LAMB4: variants seen among roughly 807,000 people sequenced by gnomAD.
LAMB4 encodes laminin subunit beta-4.
A neutral mutation model predicts 199.2 loss-of-function variants in LAMB4; 196 were observed. The observed-to-expected ratio is 0.98, with a 90% CI of 0.88 to 1.11. The LOEUF is 1.11. LAMB4 is among the 50% of genes least tolerant of loss of function. LAMB4 has a pLI of 0.00. For missense variants in LAMB4, 2,080 were observed against 2,171.2 expected (o/e 0.96, Z 0.83); for synonymous variants, 744 against 770.6 (o/e 0.97, Z 0.57).
chr7:108,093,895 G>C (rs1027831024), intron 12 of LAMB4, among the ~76,000 whole-genome samples: 2 of 152,170 alleles, frequency 1.3e-5, no homozygotes, highest in Non-Finnish European at 2.9e-5. Context: ...CAAAGGACTT[G>C]ATGTTTTTCC....
intron 8 of LAMB4, 125 bp downstream of exon 8, chr7:108,105,692 C>T (rs2037978484): frequency 1.3e-6 from 1 of 789,084 alleles, no homozygotes; most frequent in Non-Finnish European, 2.1e-6. Flanking sequence ...GAATGGTACC[C>T]ATCTCAGCAT....
At chr7:108,026,127 C>A (rs2034827317) in intron 33 of LAMB4, among the ~76,000 whole-genome samples, 1 of 152,142 alleles carries the variant, frequency 6.6e-6, no homozygotes, top group African/African-American at 2.4e-5. Flanking sequence ...CTGGCCCCTT[C>A]AGGTGTAGAG....
chr7:108,032,338 C>G (rs542392542), intron 31 of LAMB4, among the ~76,000 whole-genome samples: 7 of 151,620 alleles, frequency 4.6e-5, no homozygotes, highest in Non-Finnish European at 1.0e-4. Flanking sequence ...TGCAGTGAGC[C>G]GAGATTGTGC....
chr7:108,110,306 G>A (rs372054958), intron 4 of LAMB4, among the ~76,000 whole-genome samples: 5 of 152,192 alleles, frequency 3.3e-5, no homozygotes, highest in African/African-American at 1.2e-4. Flanking sequence ...TGGGATTACA[G>A]GTGTGAGCCA....
At chr7:108,037,772 C>T (rs2035281676) in intron 29 of LAMB4, among the ~76,000 whole-genome samples, 177 bp from the exon 30 acceptor site, 1 of 152,200 alleles carries the variant, frequency 6.6e-6, no homozygotes, top group Admixed American at 6.5e-5. Context: ...GCTGTCCCTT[C>T]TCTCTGGAAG....
At chr7:108,052,539 CTCTG>C (rs1378507607) in intron 25 of LAMB4, among the ~76,000 whole-genome samples, 4 of 152,114 alleles carry the variant, frequency 2.6e-5, no homozygotes, top group African/African-American at 7.2e-5. Flanking sequence ...ACTGTTTATG[CTCTG>C]TCTTTCTTCG....
At chr7:108,060,554 A>C (rs1007521061) in intron 23 of LAMB4, among the ~76,000 whole-genome samples, 1 of 152,244 alleles carries the variant, frequency 6.6e-6, no homozygotes, top group African/African-American at 2.4e-5. Flanking sequence ...CAGAGAATAC[A>C]TAAGATGAGC....
At position 108,062,943 on chromosome 7, in the gene LAMB4, C is replaced by A; in HGVS notation, c.3113G>T (p.Gly1038Val). 2 of 1,606,780 alleles carry A rather than the reference C, an allele frequency of 1.2e-6. No homozygotes were observed. The highest frequency in any genetic ancestry group is 1.1e-5 in the South Asian group (1 of 89,640). ...GACAGGGTCACAGAGGCAAGCTCCC[C>A]CACCAGGGGGACACTCCATGGGACT... ...GVSPMECPPG[G>V]GACLCDPVTG... The change falls in exon 23 of 34, where the codon GGG becomes GTG. Residue 1038 changes from glycine to valine, a missense_variant. Physicochemically the swap from Gly to Val is moderately radical, Grantham distance 109 (BLOSUM62 -3). Coordinates refer to ENST00000388781, the MANE Select transcript of LAMB4 (RefSeq NM_007356.3).
chr7:108,050,100 C>A (rs1030922229), intron 26 of LAMB4, among the ~76,000 whole-genome samples: 4 of 152,152 alleles, frequency 2.6e-5, no homozygotes, highest in Non-Finnish European at 5.9e-5. Context: ...GTGAAAGCAG[C>A]TACAGGCAGT....
chr7:108,100,808 T>C (rs959071154), intron 10 of LAMB4, among the ~76,000 whole-genome samples: 5 of 152,218 alleles, frequency 3.3e-5, no homozygotes, highest in Admixed American at 6.5e-5. Flanking sequence ...TGATTACAGA[T>C]TGTGGTAAAA....
At position 108,103,214 on chromosome 7, in the gene LAMB4, T is replaced by C; in HGVS notation, c.1010A>G (p.His337Arg). ...NACRSCSCNSHSSRCHFDMTT... is the reference protein window; with the variant it reads ...NACRSCSCNSRSSRCHFDMTT... ...CATGTCAAAGTGACAGCGGCTGGAG[T>C]GGCTATTACAGCTGCACGCTGAAAG... Residue 337 changes from histidine to arginine, a missense_variant, in exon 10 of 34, where the codon CAC becomes CGC. Transcript: ENST00000388781. 1 of 1,567,630 alleles carries C rather than the reference T, an allele frequency of 6.4e-7. No homozygotes were observed. Among genetic ancestry groups the C allele is most frequent in the Non-Finnish European group, 8.7e-7 (1 of 1,155,500 alleles).
intron 16 of LAMB4, among the ~76,000 whole-genome samples, chr7:108,077,763 T>C (rs1374829750): frequency 1.3e-5 from 2 of 152,220 alleles, no homozygotes; most frequent in Non-Finnish European, 2.9e-5. Flanking sequence ...TTAGCAGTCT[T>C]TTACTTCAAA....
At chr7:108,033,638 A>G (rs1376918110) in intron 31 of LAMB4, among the ~76,000 whole-genome samples, 1 of 150,816 alleles carries the variant, frequency 6.6e-6, no homozygotes, top group Non-Finnish European at 1.5e-5. Context: ...CGAACTCCTC[A>G]CCTCGGGTGA....
intron 11 of LAMB4, among the ~76,000 whole-genome samples, chr7:108,096,849 T>A (rs770895760): frequency 1.3e-4 from 18 of 139,558 alleles, no homozygotes; most frequent in Middle Eastern, 4.1e-3. Context: ...GGTGAGAAAA[T>A]TGCTTGAGTC....
intron 6 of LAMB4, among the ~76,000 whole-genome samples, chr7:108,107,129 T>A (rs1328471995): frequency 1.3e-5 from 2 of 152,140 alleles, no homozygotes; most frequent in Non-Finnish European, 2.9e-5. Context: ...CAATTTGGAT[T>A]TGGTGGTGAA....
chr7:108,103,324 C>G (rs2037884103), intron 9 of LAMB4, 92 bp from the exon 10 acceptor site: 2 of 1,007,506 alleles, frequency 2.0e-6, no homozygotes, highest in Non-Finnish European at 2.8e-6. Context: ...CGCTAGTCCT[C>G]CTTGTCCTCC....
chr7:108,096,939 C>CAAAAAAAAAAAAAA (rs746917278), intron 11 of LAMB4, among the ~76,000 whole-genome samples: 1 of 52,822 alleles, frequency 1.9e-5, no homozygotes, highest in Non-Finnish European at 3.3e-5. Context: ...CTGTCTCTCT[C>CAAAAAAAAAAAAAA]AAAAAAAAAA....
intron 33 of LAMB4, among the ~76,000 whole-genome samples, chr7:108,025,744 G>A (rs2034816095): frequency 2.0e-5 from 3 of 152,160 alleles, no homozygotes; most frequent in Admixed American, 2.0e-4. Flanking sequence ...TTCAAATGTA[G>A]GTTATTTGGG....
At chr7:108,035,948 G>C (rs1232906261) in intron 30 of LAMB4, among the ~76,000 whole-genome samples, 2 of 151,444 alleles carry the variant, frequency 1.3e-5, no homozygotes, top group African/African-American at 4.9e-5. Context: ...CTGCCTCCCA[G>C]GTTCAAGTTC....
Sources: gnomAD v4.1 joint callset for allele counts (sites outside exome capture counted in the v4.1 genomes callset) on GRCh38, gnomAD v4.1.1 for gene constraint, MANE v1.5 for transcripts, NCBI Gene and HGNC (gene_info 2026-07-23, HGNC 2026-07-21) for gene names.